DLAT: variants seen among roughly 807,000 people sequenced by gnomAD.
The protein encoded by DLAT is dihydrolipoamide S-acetyltransferase.
Under a neutral mutation model 68.0 loss-of-function variants are expected in DLAT, and 43 were observed. That is an observed-to-expected ratio of 0.63 (90% CI 0.50 to 0.81). The LOEUF is 0.81. Ranked by LOEUF, DLAT falls within the 40% of genes least tolerant of loss-of-function variation. The pLI, the probability that DLAT is intolerant of heterozygous loss-of-function variation, is 0.00. For missense variants in DLAT, 745 were observed against 815.4 expected, an observed-to-expected ratio of 0.91 and a Z score of 1.05; for synonymous variants, 265 against 288.6, an observed-to-expected ratio of 0.92 and a Z score of 0.83.
In DLAT at chr11:112,036,161, GTA is replaced by G. The variant is rs1229200772; in HGVS notation, c.788-1106_788-1105del. On this transcript the variant is annotated intron_variant, in intron 5 of 13. Coordinates refer to ENST00000280346, the MANE Select transcript of DLAT (RefSeq NM_001931.5). ...TGTGTGTATATATATATATGTGTGT[GTA>G]TATATGTGTGTGTGTGTGTGTGTGT... 7.2e-3 allele frequency among the ~76,000 whole-genome samples: 833 copies of G among 116,342 alleles called. 18 individuals carry two copies. The highest frequency in any genetic ancestry group is 0.026 in the African/African-American group (774 of 29,896). The allele number at this position is 116,342 out of a possible 152,430, so 76.3% of individuals were successfully genotyped here.
intron 4 of DLAT, chr11:112,032,410 CTT>C (rs1862463979): frequency 6.6e-6 from 1 of 151,904 alleles, no homozygotes; most frequent in Admixed American, 6.6e-5. Flanking sequence ...ATAGACTTAT[CTT>C]TTAGGCCACT....
chr11:112,025,562 A>G lies in DLAT; in HGVS notation c.90A>G (p.Gly30=). The change falls in exon 1 of 14, where the codon GGA becomes GGG. Residue 30 remains glycine (G), a synonymous_variant. Coordinates refer to ENST00000280346, the MANE Select transcript of DLAT (RefSeq NM_001931.5). ...ARWTALQEVP[G]TPRVTSRSGP... The stretch of plus-strand genomic sequence containing the variant: ...GGACGGCCTTGCAGGAGGTACCCGG[A>G]ACTCCACGAGTGACCTCGCGATCTG... 6.2e-7 allele frequency: 1 copy of G among 1,613,926 alleles called. No homozygotes were observed. The highest frequency in any genetic ancestry group is 8.5e-7 in the Non-Finnish European group (1 of 1,179,972).
At chr11:112,039,497 T>C (rs781960674) in intron 7 of DLAT, 100 bp downstream of exon 7, 13 of 1,228,664 alleles carry the variant, frequency 1.1e-5, no homozygotes, top group East Asian at 7.1e-5. Context: ...GTACTTATAA[T>C]TGGGATAGTA....
intron 1 of DLAT, 70 bp downstream of exon 1, chr11:112,025,821 C>T (rs1555179190): frequency 3.2e-6 from 5 of 1,569,700 alleles, no homozygotes; most frequent in South Asian, 2.3e-5. Flanking sequence ...GCAAGATCCT[C>T]CTTGAGAGGC....
intron 6 of DLAT, among the ~76,000 whole-genome samples, chr11:112,038,183 G>A (rs1356610841): frequency 4.0e-5 from 6 of 151,852 alleles, no homozygotes; most frequent in Admixed American, 3.9e-4. Flanking sequence ...CTGGCAAGTA[G>A]CATTGTTGTT....
At chr11:112,045,756 C>A in intron 9 of DLAT, 107 bp from the exon 10 acceptor site, 2 of 707,528 alleles carry the variant, frequency 2.8e-6, no homozygotes, top group Non-Finnish European at 5.0e-6. Context: ...TATAATAATG[C>A]TTGAGGTAAG....
chr11:112,062,538 AACTC>A lies in DLAT; in HGVS notation c.*5_*8del, dbSNP rs782656157. 3 of 1,612,276 alleles carry A rather than the reference AACTC, an allele frequency of 1.9e-6. No individual in the cohort carries two copies. In the African/African-American group the frequency reaches 4.0e-5, roughly 21 times the overall value. ...AACCTATCACTATGTTGTTGTAACT[AACTC>A]AAGAATTTCTAAACTCTCCCAGGTC... On this transcript the variant is annotated 3_prime_UTR_variant, in exon 14 of 14. Coordinates refer to ENST00000280346, the MANE Select transcript of DLAT (RefSeq NM_001931.5).
chr11:112,061,267 C>T (rs1864602507), intron 13 of DLAT, 93 bp downstream of exon 13: 2 of 1,381,704 alleles, frequency 1.4e-6, no homozygotes, highest in African/African-American at 1.4e-5. Context: ...CTCCAGGAAC[C>T]CCCTCAAATA....
chr11:112,049,041 G>A (rs587757591), intron 10 of DLAT, among the ~76,000 whole-genome samples: 35 of 138,502 alleles, frequency 2.5e-4, no homozygotes, highest in African/African-American at 8.5e-4. Flanking sequence ...GTGCAGTGGC[G>A]TGATCTTGGC....
In DLAT at chr11:112,064,093, G is replaced by A; in HGVS notation, c.*1558G>A. ...ATTTTTCAGTAATTAGTAATTTTAG[G>A]TTGAAGATTATCCAAAAGAAACAAG... On this transcript the variant is annotated 3_prime_UTR_variant, in exon 14 of 14. Coordinates refer to ENST00000280346, the MANE Select transcript of DLAT (RefSeq NM_001931.5). 1 of 1,229,798 alleles carries A rather than the reference G, an allele frequency of 8.1e-7. No homozygotes were observed. The highest frequency in any genetic ancestry group is 1.1e-6 in the Non-Finnish European group (1 of 896,174). 76.2% of individuals were successfully genotyped at this position (1,229,798 alleles called of 1,614,324 possible). A position where few individuals can be genotyped will look rare whatever the true frequency, so the allele number is the denominator to read the frequency against.
At chr11:112,043,025 A>G (rs1267363196) in intron 7 of DLAT, among the ~76,000 whole-genome samples, 2 of 152,276 alleles carry the variant, frequency 1.3e-5, no homozygotes, top group African/African-American at 4.8e-5. Context: ...CAGAACCCAA[A>G]TGAAATCTAT....
rs931357161 is a variant in DLAT, at chr11:112,060,953, C to T, written c.1678-85C>T. 21 of 1,260,552 alleles carry T rather than the reference C, an allele frequency of 1.7e-5. No homozygotes were observed. In the African/African-American group the frequency reaches 3.0e-4, roughly 18 times the overall value. 78.1% of individuals were successfully genotyped at this position (1,260,552 alleles called of 1,614,324 possible). A position where few individuals can be genotyped will look rare whatever the true frequency, so the allele number is the denominator to read the frequency against. On this transcript the variant is annotated intron_variant, in intron 12 of 13. Transcript: ENST00000280346. Reference sequence around the variant, plus strand: ...TTCTTAAGACCTTGCACCTTTTTAGCTTAAGGTCTTTTCACAGAACATTTG... The same window carrying T: ...TTCTTAAGACCTTGCACCTTTTTAGTTTAAGGTCTTTTCACAGAACATTTG...
In DLAT at chr11:112,037,378, C is replaced by T. The variant is rs782135869; in HGVS notation, c.893C>T (p.Ala298Val). ...CTCTGTATCATTGTAGAAAAAGAGG[C>T]AGATATATCAGCATTTGCTGACTAT... ...TPLCIIVEKE[A>V]DISAFADYRP... The change falls in exon 6 of 14, where the codon GCA becomes GTA. Residue 298 changes from alanine to valine, a missense_variant. Ala to Val is a moderately conservative substitution (Grantham distance 64). Coordinates refer to ENST00000280346, the MANE Select transcript of DLAT (RefSeq NM_001931.5). The T allele has an allele frequency of 6.2e-7, 1 of 1,614,144 alleles. No individual in the cohort carries two copies. The highest frequency in any genetic ancestry group is 8.5e-7 in the Non-Finnish European group (1 of 1,180,010).
chr11:112,061,724 A>T (rs587624661), intron 13 of DLAT, among the ~76,000 whole-genome samples: 1 of 152,268 alleles, frequency 6.6e-6, no homozygotes, highest in South Asian at 2.1e-4. Context: ...AGCTGGGATT[A>T]CAGGCATGTA....
At chr11:112,031,850 G>A (rs1555179978) in intron 4 of DLAT, among the ~76,000 whole-genome samples, 1 of 134,872 alleles carries the variant, frequency 7.4e-6, no homozygotes, top group African/African-American at 2.8e-5. Context: ...AAAATGCTGA[G>A]ATTATAGGCA....
chr11:112,036,167 ATGTGTG>A (rs1311809853), intron 5 of DLAT, among the ~76,000 whole-genome samples: 89 of 82,560 alleles, frequency 1.1e-3, no homozygotes, highest in African/African-American at 2.4e-3. Context: ...GTGTGTATAT[ATGTGTG>A]TGTGTGTGTG....
At chr11:112,029,982 G>A in intron 4 of DLAT, 2 of 1,012,610 alleles carry the variant, frequency 2.0e-6, no homozygotes, top group Admixed American at 1.8e-5. Flanking sequence ...ATCACACTTA[G>A]AGCAGGTGAT....
At position 112,064,342 on chromosome 11, in the gene DLAT, GT is replaced by G. The variant is rs1864823511; in HGVS notation, c.*1808del. 1 of 795,694 alleles carries G rather than the reference GT, an allele frequency of 1.3e-6. No individual in the cohort carries two copies. The highest frequency in any genetic ancestry group is 1.8e-5 in the African/African-American group (1 of 56,656). The allele number at this position is 795,694 out of a possible 1,614,324, so 49.3% of individuals were successfully genotyped here. ...AACTGAAAGAAAAAAGTTAGAAATA[GT>G]GTTTTTGGTTCATATGATTATTTAA... On this transcript the variant is annotated 3_prime_UTR_variant, in exon 14 of 14. Transcript: ENST00000280346.
At chr11:112,060,908 T>C in intron 12 of DLAT, 130 bp from the exon 13 acceptor site, 1 of 717,846 alleles carries the variant, frequency 1.4e-6, no homozygotes, top group Non-Finnish European at 2.3e-6. Context: ...TCTTCAGTAA[T>C]GTGTATTCCA....
Sources: allele counts gnomAD v4.1 joint callset (sites outside exome capture counted in the v4.1 genomes callset), GRCh38; gene constraint gnomAD v4.1.1; transcripts MANE v1.5; gene names NCBI Gene and HGNC (gene_info 2026-07-23, HGNC 2026-07-21).